The following SUPV3L1 variants were observed in gnomAD, a reference collection of about 807,000 sequenced individuals.
SUPV3L1 encodes the protein Suv3 like RNA helicase, also known as ATP-dependent RNA helicase SUPV3L1, mitochondrial.
SUPV3L1 carries 35 observed loss-of-function variants against 70.0 expected under a neutral mutation model. That is an observed-to-expected ratio of 0.50 (90% confidence interval 0.38 to 0.66). The LOEUF is 0.66. SUPV3L1 is among the 30% of genes least tolerant of loss of function. The pLI is 0.00. For missense variants in SUPV3L1, 777 were observed against 961.5 expected (o/e 0.81, Z 2.54); for synonymous variants, 364 against 341.9 (o/e 1.06, Z -0.71).
At chr10:69,193,760 C>T (rs1361244374) in intron 6 of SUPV3L1, among the ~76,000 whole-genome samples, 1 of 152,150 alleles carries the variant, frequency 6.6e-6, no homozygotes, top group African/African-American at 2.4e-5. Flanking sequence ...AATTAGCTTT[C>T]TTTACTTTCC....
Position 69,209,045 on chromosome 10 carries a change from C to T in SUPV3L1, c.*10C>T. 1 of 1,499,472 alleles carries T rather than the reference C, an allele frequency of 6.7e-7. No homozygotes were observed. Among genetic ancestry groups the T allele is most frequent in the South Asian group, 1.3e-5 (1 of 75,098 alleles). The allele number at this position is 1,499,472 out of a possible 1,614,324, so 92.9% of individuals were successfully genotyped here. A position where few individuals can be genotyped will look rare whatever the true frequency, so the allele number is the denominator to read the frequency against. On this transcript the variant is annotated 3_prime_UTR_variant, in exon 15 of 15. Transcript: ENST00000359655. Reference sequence around the variant, plus strand: ...ACCTGATTCGGACTAGTTTTCTGTTCCTGTTTTTTTTTTTTTATTTAATTT... The same window carrying T: ...ACCTGATTCGGACTAGTTTTCTGTTTCTGTTTTTTTTTTTTTATTTAATTT...
At chr10:69,208,149 G>A (rs911330361) in intron 14 of SUPV3L1, among the ~76,000 whole-genome samples, 7 of 152,212 alleles carry the variant, frequency 4.6e-5, no homozygotes, top group African/African-American at 1.7e-4. Context: ...AGATGGCTAG[G>A]TGAGAAGGAA....
chr10:69,197,124 A>T, intron 8 of SUPV3L1, 41 bp downstream of exon 8: 1 of 1,575,564 alleles, frequency 6.3e-7, no homozygotes, highest in Non-Finnish European at 8.7e-7. Context: ...GGCATATCAA[A>T]TAGTCCAGAG....
At chr10:69,181,736 TTCCTGTGATAACTGAC>T (rs1842068338) in intron 1 of SUPV3L1, among the ~76,000 whole-genome samples, 1 of 152,124 alleles carries the variant, frequency 6.6e-6, no homozygotes, top group African/African-American at 2.4e-5. Context: ...TTATCCTTTT[TTCCTGTGATAACTGAC>T]TCCTGTGATA....
intron 6 of SUPV3L1, among the ~76,000 whole-genome samples, chr10:69,193,452 G>GTTT (rs11321429): frequency 3.8e-5 from 5 of 131,062 alleles, no homozygotes; most frequent in Admixed American, 7.6e-5. Context: ...TCACGAAGTA[G>GTTT]TTTTTTTTTT....
intron 1 of SUPV3L1, chr10:69,182,756 A>G (rs376104296): frequency 3.6e-6 from 3 of 832,622 alleles, no homozygotes; most frequent in Non-Finnish European, 1.4e-6. Flanking sequence ...GTGCATTACT[A>G]CACTCTGATA....
intron 1 of SUPV3L1, among the ~76,000 whole-genome samples, chr10:69,183,113 CT>C (rs1842113060): frequency 1.3e-5 from 2 of 152,356 alleles, no homozygotes; most frequent in South Asian, 4.1e-4. Context: ...CAGCCTGCTC[CT>C]GCAGGTGCTC....
At chr10:69,191,313 T>TC (rs1257166390) in intron 5 of SUPV3L1, among the ~76,000 whole-genome samples, 1 of 144,502 alleles carries the variant, frequency 6.9e-6, no homozygotes, top group Non-Finnish European at 1.5e-5. Flanking sequence ...TCACTGAACC[T>TC]CCATCTCTCA....
At chr10:69,189,001 G>A (rs937171460) in intron 4 of SUPV3L1, among the ~76,000 whole-genome samples, 3 of 152,154 alleles carry the variant, frequency 2.0e-5, no homozygotes, top group South Asian at 2.1e-4. Context: ...TTTAGTAACC[G>A]CTGAGAAAAA....
intron 2 of SUPV3L1, 118 bp from the exon 3 acceptor site, chr10:69,186,325 C>CAAAAAAAAAAAAAAAA: frequency 2.5e-6 from 1 of 397,784 alleles, no homozygotes; most frequent in Non-Finnish European, 4.1e-6. Context: ...GCTGTACTGC[C>CAAAAAAAAAAAAAAAA]AAAAAAAAAA....
Position 69,208,977 on chromosome 10 carries a change from A to C in SUPV3L1, c.2303A>C (p.Glu768Ala). Residue 768 changes from glutamate to alanine, a missense_variant, in exon 15 of 15, where the codon GAG becomes GCG. Glu to Ala is a moderately radical substitution (Grantham distance 107). Coordinates refer to ENST00000359655, the MANE Select transcript of SUPV3L1 (RefSeq NM_003171.5). ...ACTGAACACAACAAAGAAAAAACAG[A>C]GTCTGGGACTCATCCAAAAGGGACG... ...QQTEHNKEKT[E>A]SGTHPKGTRR... 1.2e-6 allele frequency: 2 copies of C among 1,611,214 alleles called. No homozygotes were observed. The highest frequency in any genetic ancestry group is 1.7e-6 in the Non-Finnish European group (2 of 1,179,158).
At chr10:69,207,196 A>G (rs1842852070) in intron 13 of SUPV3L1, among the ~76,000 whole-genome samples, 1 of 151,722 alleles carries the variant, frequency 6.6e-6, no homozygotes, top group African/African-American at 2.4e-5. Context: ...GTCCTTCTAC[A>G]GCTTCTTTTT....
intron 1 of SUPV3L1, chr10:69,182,739 G>A: frequency 1.1e-6 from 1 of 940,686 alleles, no homozygotes; most frequent in East Asian, 1.2e-4. Flanking sequence ...AGGGGCTACA[G>A]AAGATGGTGC....
intron 14 of SUPV3L1, 71 bp from the exon 15 acceptor site, chr10:69,208,529 T>TG (rs1842895251): frequency 7.1e-7 from 1 of 1,408,930 alleles, no homozygotes; most frequent in African/African-American, 1.4e-5. Context: ...ATGATGTAGG[T>TG]GTGCCATTGA....
chr10:69,200,609 G>A, intron 11 of SUPV3L1, 110 bp downstream of exon 11: 1 of 942,556 alleles, frequency 1.1e-6, no homozygotes, highest in Non-Finnish European at 1.5e-6. Flanking sequence ...AGACATAAGT[G>A]AAAGAAAATT....
At chr10:69,188,251 A>G (rs760623077) in intron 4 of SUPV3L1, among the ~76,000 whole-genome samples, 3 of 152,104 alleles carry the variant, frequency 2.0e-5, no homozygotes, top group South Asian at 2.1e-4. Flanking sequence ...CTCTCCTTCT[A>G]TGCACCCTTC....
At chr10:69,202,732 G>C in intron 12 of SUPV3L1, 135 bp from the exon 13 acceptor site, 1 of 1,032,714 alleles carries the variant, frequency 9.7e-7, no homozygotes, top group Non-Finnish European at 1.4e-6. Flanking sequence ...GGATATGAGG[G>C]AGTGATTAAA....
chr10:69,190,440 T>TTTC (rs964621208), intron 5 of SUPV3L1, among the ~76,000 whole-genome samples: 4 of 149,068 alleles, frequency 2.7e-5, no homozygotes, highest in African/African-American at 9.7e-5. Flanking sequence ...TTTTTTTTTT[T>TTTC]CTGAACAGTT....
At chr10:69,181,944 A>G (rs10998625) in intron 1 of SUPV3L1, among the ~76,000 whole-genome samples, 33,563 of 151,412 alleles carry the variant, frequency 0.22, 4,009 homozygotes, top group African/African-American at 0.25. Flanking sequence ...TTTTTAAATT[A>G]TAAAAATACA....
Sources: allele counts gnomAD v4.1 joint callset (sites outside exome capture counted in the v4.1 genomes callset), GRCh38; gene constraint gnomAD v4.1.1; transcripts MANE v1.5; gene names NCBI Gene and HGNC (gene_info 2026-07-23, HGNC 2026-07-21).